The following RTF2 variants were observed in gnomAD, a reference collection of about 807,000 sequenced individuals.
The protein encoded by RTF2 is UPF0549 protein C20orf43.
In RTF2, 18 loss-of-function variants were observed where a neutral mutation model predicts 38.0. That is an observed-to-expected ratio of 0.47 (90% CI 0.33 to 0.70). The LOEUF is 0.70. RTF2 is among the 30% of genes least tolerant of loss of function. RTF2 has a pLI of 0.02. For missense variants in RTF2, 311 were observed against 379.6 expected (o/e 0.82, Z 1.50); for synonymous variants, 126 against 137.1 (o/e 0.92, Z 0.57).
intron 4 of RTF2, among the ~76,000 whole-genome samples, chr20:56,479,053 G>C (rs1982395836): frequency 6.6e-6 from 1 of 152,032 alleles, no homozygotes; most frequent in African/African-American, 2.4e-5. Flanking sequence ...TCATCTTCAG[G>C]CTCCACTTTT....
chr20:56,483,628 C>T (rs1396588379), intron 4 of RTF2, among the ~76,000 whole-genome samples: 1 of 152,184 alleles, frequency 6.6e-6, no homozygotes, highest in Non-Finnish European at 1.5e-5. Flanking sequence ...CTGTGCCCAG[C>T]CCCAATCTCC....
At chr20:56,505,058 T>C (rs1310694836) in intron 5 of RTF2, among the ~76,000 whole-genome samples, 1 of 152,084 alleles carries the variant, frequency 6.6e-6, no homozygotes, top group Non-Finnish European at 1.5e-5. Flanking sequence ...ATGTTCAGAG[T>C]CCGTGAGTTA....
intron 5 of RTF2, chr20:56,496,797 T>C (rs760136760): frequency 1.3e-6 from 2 of 1,552,118 alleles, no homozygotes; most frequent in Non-Finnish European, 1.7e-6. Flanking sequence ...GGTTAAGTTA[T>C]GGGGTGGTTT....
At chr20:56,488,751 C>T (rs1442995725) in intron 5 of RTF2, among the ~76,000 whole-genome samples, 1 of 152,246 alleles carries the variant, frequency 6.6e-6, no homozygotes, top group Admixed American at 6.5e-5. Context: ...TGTTCTTTCA[C>T]TCTACCCATC....
At chr20:56,497,257 G>GA (rs1466660137) in intron 5 of RTF2, 8 of 1,551,764 alleles carry the variant, frequency 5.2e-6, no homozygotes, top group Non-Finnish European at 7.0e-6. Context: ...AGCTCCTTAT[G>GA]AATAGTTATA....
At chr20:56,500,130 C>G (rs1200531648) in intron 5 of RTF2, among the ~76,000 whole-genome samples, 4 of 152,046 alleles carry the variant, frequency 2.6e-5, no homozygotes, top group Non-Finnish European at 5.9e-5. Context: ...TCTTGGCTCA[C>G]TGCAACCTCC....
chr20:56,518,148 C>CA lies in RTF2; in HGVS notation c.805dup (p.Ile269AsnfsTer3). 6.2e-7 allele frequency: 1 copy of CA among 1,614,148 alleles called. No homozygotes were observed. The highest frequency in any genetic ancestry group is 8.5e-7 in the Non-Finnish European group (1 of 1,180,012). On this transcript the variant is annotated frameshift_variant, in exon 9 of 9. Transcript: ENST00000357348. LOFTEE classifies it high-confidence loss of function. ...CTCCGTGTGGAGCCACAAAGAGGTC[C>CA]ATCGCTGACAGTGAAGAATCGGAGG...
At position 56,476,991 on chromosome 20, in the gene RTF2, A is replaced by G; in HGVS notation, c.265A>G (p.Thr89Ala). Residue 89 changes from threonine (T) to alanine (A), a missense_variant, in exon 4 of 9, where the codon ACA becomes GCA. Coordinates refer to ENST00000357348, the MANE Select transcript of RTF2 (RefSeq NM_016407.5). ...TATTAATGGTTTTTCCCAGAATGTGACAGAGCTGAAGCTTTCTGATAATCC... is the reference window on the plus strand; with the variant it reads ...TATTAATGGTTTTTCCCAGAATGTGGCAGAGCTGAAGCTTTCTGATAATCC... The part of the protein sequence containing the change: ...ASHIKSIKNV[T>A]ELKLSDNPAW... The G allele has an allele frequency of 6.2e-7, 1 of 1,613,978 alleles. No individual in the cohort carries two copies. The highest frequency in any genetic ancestry group is 8.5e-7 in the Non-Finnish European group (1 of 1,179,880).
At chr20:56,492,591 A>G (rs970190375) in intron 5 of RTF2, among the ~76,000 whole-genome samples, 1 of 151,436 alleles carries the variant, frequency 6.6e-6, no homozygotes, top group Non-Finnish European at 1.5e-5. Flanking sequence ...TGGGAATTAG[A>G]GTTGGAATCC....
intron 5 of RTF2, among the ~76,000 whole-genome samples, chr20:56,500,141 A>G (rs1600819733): frequency 1.4e-5 from 2 of 143,816 alleles, no homozygotes; most frequent in South Asian, 2.2e-4. Context: ...TGCAACCTCC[A>G]CCTCCTGGGT....
At chr20:56,477,630 G>A (rs189777837) in intron 4 of RTF2, among the ~76,000 whole-genome samples, 4 of 151,674 alleles carry the variant, frequency 2.6e-5, no homozygotes, top group African/African-American at 9.7e-5. Context: ...CGATCCTCCT[G>A]CCTCAGCATC....
At position 56,513,426 on chromosome 20, in the gene RTF2, A is replaced by G; in HGVS notation, c.589A>G (p.Lys197Glu). 1 of 1,588,596 alleles carries G rather than the reference A, an allele frequency of 6.3e-7. No individual in the cohort carries two copies. The highest frequency in any genetic ancestry group is 8.6e-7 in the Non-Finnish European group (1 of 1,168,036). Reference protein sequence around the residue: ...EERRLRAKLEKKTKKPKAAES... With the variant: ...EERRLRAKLEEKTKKPKAAES... ...GAGAAGGCTGAGAGCGAAGCTGGAA[A>G]AGGTAATGGGAGTCTTCAGGTTCCG... The change falls in exon 6 of 9, where the codon AAG becomes GAG. Residue 197 changes from lysine to glutamate, a missense_variant and splice_region_variant. Lys to Glu is a moderately conservative substitution (Grantham distance 56, BLOSUM62 1). Coordinates refer to ENST00000357348, the MANE Select transcript of RTF2 (RefSeq NM_016407.5).
At chr20:56,490,812 C>G (rs751515793) in intron 5 of RTF2, among the ~76,000 whole-genome samples, 1 of 151,996 alleles carries the variant, frequency 6.6e-6, no homozygotes, top group Non-Finnish European at 1.5e-5. Flanking sequence ...AGTAAAACTC[C>G]GTCTCAAATA....
Position 56,475,547 on chromosome 20 carries a change from T to C in RTF2, c.258+776T>C, listed in dbSNP as rs76464499. ...GCTAATGATAGTGCTCTAGAAATTATTCTGATTTTAGTGGTCTTTTACCTT... is the reference window on the plus strand; with the variant it reads ...GCTAATGATAGTGCTCTAGAAATTACTCTGATTTTAGTGGTCTTTTACCTT... On this transcript the variant is annotated intron_variant, in intron 3 of 8. Transcript: ENST00000357348. Among the ~76,000 whole-genome samples the C allele has an allele frequency of 4.7e-4, 72 of 152,364 alleles. No individual in the cohort carries two copies. The East Asian group carries it at 0.013, about 27-fold the overall frequency.
intron 6 of RTF2, 38 bp from the exon 7 acceptor site, chr20:56,516,897 T>C: frequency 6.2e-7 from 1 of 1,603,604 alleles, no homozygotes; most frequent in Non-Finnish European, 8.5e-7. Context: ...GTGGAGTGAA[T>C]CTGAGCACAG....
chr20:56,481,609 G>A (rs1982528428), intron 4 of RTF2, among the ~76,000 whole-genome samples: 1 of 151,364 alleles, frequency 6.6e-6, no homozygotes, highest in Non-Finnish European at 1.5e-5. Flanking sequence ...GTGTGTGTTT[G>A]CATATATATA....
At chr20:56,473,088 G>T (rs912244098) in intron 1 of RTF2, among the ~76,000 whole-genome samples, 1 of 152,072 alleles carries the variant, frequency 6.6e-6, no homozygotes. Flanking sequence ...TGAAGATTGC[G>T]CCACTACACT....
At chr20:56,501,535 G>A (rs571633551) in intron 5 of RTF2, among the ~76,000 whole-genome samples, 19 of 152,186 alleles carry the variant, frequency 1.2e-4, no homozygotes, top group African/African-American at 4.6e-4. Context: ...GTTACCCTGT[G>A]TATTATGTAT....
chr20:56,481,616 TATATACACACAC>T (rs1330356338), intron 4 of RTF2, among the ~76,000 whole-genome samples: 6 of 151,158 alleles, frequency 4.0e-5, no homozygotes, highest in East Asian at 2.1e-4. Context: ...TTTGCATATA[TATATACACACAC>T]ATATACACAC....
Sources: gnomAD v4.1 joint callset for allele counts (sites outside exome capture counted in the v4.1 genomes callset) on GRCh38, gnomAD v4.1.1 for gene constraint, MANE v1.5 for transcripts, NCBI Gene and HGNC (gene_info 2026-07-23, HGNC 2026-07-21) for gene names.